AHNAK: variants seen among roughly 807,000 people sequenced by gnomAD.
The protein encoded by AHNAK is AHNAK nucleoprotein.
In AHNAK, 23 loss-of-function variants were observed where a neutral mutation model predicts 37.8. The observed-to-expected ratio is 0.61, with a 90% CI of 0.44 to 0.86. The LOEUF (loss-of-function observed/expected upper bound fraction) is 0.86, where lower values mean the gene tolerates loss of function less well. AHNAK is among the 40% of genes least tolerant of loss of function. The pLI is 0.00. For synonymous variants in AHNAK, 2,481 were observed against 2,636.3 expected, an observed-to-expected ratio of 0.94 and a Z score of 1.80; for missense variants, 7,411 against 7,319.4, an observed-to-expected ratio of 1.01 and a Z score of -0.46.
chr11:62,509,150 A>T (rs1260540423), intron 4 of AHNAK, among the ~76,000 whole-genome samples: 2 of 152,306 alleles, frequency 1.3e-5, no homozygotes, highest in South Asian at 2.1e-4. Context: ...CCTGAACCCA[A>T]TCATGAGGAA....
At position 62,490,979 on chromosome 11, in the gene AHNAK, G is replaced by T. The variant is rs139258422; in HGVS notation, c.442+753C>A. Among the ~76,000 whole-genome samples, 400 of 152,108 alleles carry T rather than the reference G, an allele frequency of 2.6e-3. 10 individuals are homozygous for T. The East Asian group carries it at 0.053, about 20-fold the overall frequency. ...ATTTTTATATTTCTAGTAGAGACAG[G>T]GTTTCACTATGTTGGCTAGGCTGGT... is the stretch of plus-strand genomic sequence containing the variant. On this transcript the variant is annotated intron_variant, in intron 5 of 5. Transcript: ENST00000257247.
At position 62,532,010 on chromosome 11, in the gene AHNAK, C is replaced by G. The variant is rs114577843; in HGVS notation, c.2407G>C (p.Gly803Arg). The G allele has an allele frequency of 1.5e-5, 25 of 1,613,902 alleles. No homozygotes were observed. The East Asian group carries it at 5.6e-4, about 36-fold the overall frequency. The change falls in exon 5 of 5, where the codon GGG (glycine) becomes CGG (arginine). Residue 803 changes from glycine (G) to arginine (R), a missense_variant. Physicochemically the swap from Gly to Arg is moderately radical, Grantham distance 125. Coordinates refer to ENST00000378024, the MANE Select transcript of AHNAK (RefSeq NM_001620.3). ...SIEEPEGKLK[G>R]PKFKMPEMNI... ...ATCTCAGGCATCTTAAACTTGGGCCCTTTCAATTTCCCTTCTGGTTCCTCA... is the reference window on the plus strand; with the variant it reads ...ATCTCAGGCATCTTAAACTTGGGCCGTTTCAATTTCCCTTCTGGTTCCTCA...
In AHNAK at chr11:62,532,827, T is replaced by C. The variant is rs753990541; in HGVS notation, c.1590A>G (p.Lys530=). ...AGCCTTTAAGTGCCACTTGAGGGCC[T>C]TTAACATCACCTTGCACCCCAGGAG... ...VSAPGVQGDV[K]GPQVALKGSR... The change falls in exon 5 of 5, where the codon AAA becomes AAG. Residue 530 remains lysine, a synonymous_variant. Coordinates refer to ENST00000378024, the MANE Select transcript of AHNAK (RefSeq NM_001620.3). 4 of 1,614,076 alleles carry C rather than the reference T, an allele frequency of 2.5e-6. No homozygotes were observed. The South Asian group carries it at 3.3e-5, about 13-fold the overall frequency.
chr11:62,516,292 G>C lies in AHNAK; in HGVS notation c.*452C>G. 2 of 1,289,222 alleles carry C rather than the reference G, an allele frequency of 1.6e-6. No homozygotes were observed. The highest frequency in any genetic ancestry group is 2.1e-4 in the Middle Eastern group (1 of 4,690). 79.9% of individuals were successfully genotyped at this position (1,289,222 alleles called of 1,614,324 possible). On this transcript the variant is annotated 3_prime_UTR_variant, in exon 5 of 5. Coordinates refer to ENST00000378024, the MANE Select transcript of AHNAK (RefSeq NM_001620.3). ...GCTGTTTGAACAGATCCAGTCTCAG[G>C]AAAGAGGAAGACCTGACCTCCGTCT... is the stretch of plus-strand genomic sequence containing the variant.
rs1406408412 is a variant in AHNAK, at chr11:62,529,102, G to T, written c.5315C>A (p.Pro1772His). ...GKLKGSKFKM[P>H]KLNIKAPKVS... ...CTTGGGAGCTTTTATATTCAACTTG[G>T]GCATCTTAAATTTGGAGCCTTTCAA... Residue 1772 changes from proline to histidine, a missense_variant, in exon 5 of 5, where the codon CCC becomes CAC. Physicochemically the swap from Pro to His is moderately conservative, Grantham distance 77. Coordinates refer to ENST00000378024, the MANE Select transcript of AHNAK (RefSeq NM_001620.3). 6.2e-7 allele frequency: 1 copy of T among 1,613,994 alleles called. No individual in the cohort carries two copies. Among genetic ancestry groups the T allele is most frequent in the East Asian group, 2.2e-5 (1 of 44,878 alleles).
chr11:62,512,929 A>AAGGG (rs1396120531), downstream of AHNAK, among the ~76,000 whole-genome samples: 1 of 150,242 alleles, frequency 6.7e-6, no homozygotes, highest in Non-Finnish European at 1.5e-5. This position sits in a 1 kb window ranked among gnomAD's most constrained non-coding sequence, Gnocchi z 4.0. Flanking sequence ...GGAAGGAAGG[A>AAGGG]AGGGAGGGAG....
rs761785636 is a variant in AHNAK, at chr11:62,526,922, G to A, written c.7495C>T (p.Pro2499Ser). 1.2e-6 allele frequency: 2 copies of A among 1,614,126 alleles called. No individual in the cohort carries two copies. The highest frequency in any genetic ancestry group is 1.7e-6 in the Non-Finnish European group (2 of 1,180,008). Residue 2499 changes from proline to serine, a missense_variant, in exon 5 of 5, where the codon CCC (proline) becomes TCC (serine). Transcript: ENST00000378024. ...IRGPKVDVNA[P>S]DVQAPDWHLK... is the part of the protein sequence containing the mutation. ...TGCCAGTCTGGAGCTTGGACATCGG[G>A]GGCATTTACATCAACTTTGGGGCCC... is the stretch of plus-strand genomic sequence containing the variant.
Position 62,532,038 on chromosome 11 carries a change from G to A in AHNAK, c.2379C>T (p.Ser793=). 6.2e-7 allele frequency: 1 copy of A among 1,612,364 alleles called. No individual in the cohort carries two copies. The highest frequency in any genetic ancestry group is 8.5e-7 in the Non-Finnish European group (1 of 1,179,672). ...TCAATTTCCCTTCTGGTTCCTCAAT[G>A]CTCACATCAGGAGCAGTAACATCTA... The part of the protein sequence containing the change: ...PKIDVTAPDV[S]IEEPEGKLKG... Residue 793 remains serine, a synonymous_variant, in exon 5 of 5, where the codon AGC becomes AGT. Transcript: ENST00000378024.
At chr11:62,466,195 C>T (rs112319474) in intron 5 of AHNAK, among the ~76,000 whole-genome samples, 2 of 152,258 alleles carry the variant, frequency 1.3e-5, no homozygotes, top group African/African-American at 4.8e-5. Context: ...TGGCACACAC[C>T]TGTAGTCCCA....
chr11:62,467,531 A>G (rs1938936940), intron 5 of AHNAK, among the ~76,000 whole-genome samples: 1 of 152,174 alleles, frequency 6.6e-6, no homozygotes, highest in Non-Finnish European at 1.5e-5. Flanking sequence ...CTGAAAATAC[A>G]AACATTAGCC....
chr11:62,495,860 C>A (rs2513070), intron 4 of AHNAK, among the ~76,000 whole-genome samples: 2 of 151,838 alleles, frequency 1.3e-5, no homozygotes, highest in African/African-American at 2.4e-5. Context: ...ACCAGCCTGG[C>A]CAACATGATG....
chr11:62,491,948 AC>A (rs1782704220), intron 4 of AHNAK: 5 of 829,668 alleles, frequency 6.0e-6, no homozygotes, highest in Admixed American at 2.5e-5. Flanking sequence ...TACCACTACC[AC>A]CCCCCAACAC....
chr11:62,527,056 G>A lies in AHNAK; in HGVS notation c.7361C>T (p.Ser2454Phe). The change falls in exon 5 of 5, where the codon TCT (serine) becomes TTT (phenylalanine). Residue 2454 changes from serine (S) to phenylalanine (F), a missense_variant. By Grantham distance (155) the Ser-to-Phe change is radical. Transcript: ENST00000378024. ...GAGATTTAGATCAACATCAGGCATA[G>A]AAATATTGGGGGCTTTGAAATGCAT... Reference protein sequence around the residue: ...PDMHFKAPNISMPDVDLNLKG... With the variant: ...PDMHFKAPNIFMPDVDLNLKG... 1 of 1,614,162 alleles carries A rather than the reference G, an allele frequency of 6.2e-7. No individual in the cohort carries two copies. The highest frequency in any genetic ancestry group is 1.1e-5 in the South Asian group (1 of 91,076).
rs140363085 is a variant in AHNAK, at chr11:62,519,635, G to A, written c.14782C>T (p.Pro4928Ser). 5.6e-6 allele frequency: 9 copies of A among 1,613,352 alleles called. No individual in the cohort carries two copies. In the African/African-American group the frequency reaches 8.0e-5, roughly 14 times the overall value. Residue 4928 changes from proline (P) to serine (S), a missense_variant, in exon 5 of 5, where the codon CCA becomes TCA. By Grantham distance (74) the Pro-to-Ser change is moderately conservative. Transcript: ENST00000378024. Reference protein sequence around the residue: ...APDVDLHLKAPKIGFSGPKLE... With the variant: ...APDVDLHLKASKIGFSGPKLE... ...TTCGGACCTGAAAATCCAATTTTTG[G>A]TGCCTTGAGATGCAAATCAACATCA...
chr11:62,468,166 G>A (rs980690439), intron 5 of AHNAK, among the ~76,000 whole-genome samples: 7 of 152,050 alleles, frequency 4.6e-5, no homozygotes, highest in Admixed American at 1.3e-4. Context: ...TAGGCAACAT[G>A]GCAAGACTCC....
Position 62,520,253 on chromosome 11 carries a change from A to C in AHNAK, c.14164T>G (p.Ser4722Ala), listed in dbSNP as rs200747495. 6.2e-7 allele frequency: 1 copy of C among 1,611,768 alleles called. No individual in the cohort carries two copies. The highest frequency in any genetic ancestry group is 2.2e-5 in the East Asian group (1 of 44,720). Residue 4722 changes from serine to alanine, a missense_variant, in exon 5 of 5, where the codon TCC becomes GCC. Coordinates refer to ENST00000378024, the MANE Select transcript of AHNAK (RefSeq NM_001620.3). ...PEMSIKAPKI[S>A]MPDIDLNLKG... The stretch of plus-strand genomic sequence containing the variant: ...AGGTTTAAGTCAATATCAGGCATGG[A>C]GATCTTGGGGGCTTTGATGCTCATC...
Position 62,522,595 on chromosome 11 carries a change from C to A in AHNAK, c.11822G>T (p.Ser3941Ile). ...KMPKIKMPKI[S>I]MPGFKGEGPE... ...ACCTTCTCCTTTGAAGCCAGGCATG[C>A]TGATCTTGGGCATTTTTATCTTAGG... The change falls in exon 5 of 5, where the codon AGC (serine) becomes ATC (isoleucine). Residue 3941 changes from serine (S) to isoleucine (I), a missense_variant. Transcript: ENST00000378024. 6.2e-7 allele frequency: 1 copy of A among 1,611,882 alleles called. No homozygotes were observed. Among genetic ancestry groups the A allele is most frequent in the Non-Finnish European group, 8.5e-7 (1 of 1,179,554 alleles).
intron 5 of AHNAK, among the ~76,000 whole-genome samples, chr11:62,450,984 G>GGTC (rs1938526044): frequency 6.4e-5 from 9 of 141,208 alleles, no homozygotes; most frequent in Admixed American, 1.4e-4. Context: ...GGCGGGAGGA[G>GGTC]AAGAGATGAG....
chr11:62,535,965 C>T lies in AHNAK; in HGVS notation c.134G>A (p.Arg45His), dbSNP rs757522801. 3 of 1,611,506 alleles carry T rather than the reference C, an allele frequency of 1.9e-6. No homozygotes were observed. Among genetic ancestry groups the T allele is most frequent in the South Asian group, 1.1e-5 (1 of 91,002 alleles). ...QEVTQNSPAARTGVVKEGDQI... is the reference protein window; with the variant it reads ...QEVTQNSPAAHTGVVKEGDQI... The stretch of plus-strand genomic sequence containing the variant: ...CTCACCCTCCTTGACCACCCCAGTG[C>T]GGGCCGCAGGGGAGTTCTGCGTCAC... The change falls in exon 3 of 5, where the codon CGC (arginine) becomes CAC (histidine). Residue 45 changes from arginine to histidine, a missense_variant. Arg to His is a conservative substitution (Grantham distance 29). Transcript: ENST00000378024.
Sources: allele counts gnomAD v4.1 joint callset (sites outside exome capture counted in the v4.1 genomes callset), GRCh38; gene constraint gnomAD v4.1.1; non-coding constraint Gnocchi (gnomAD v3.1); transcripts MANE v1.5; gene names NCBI Gene and HGNC (gene_info 2026-07-23, HGNC 2026-07-21).